TNIK: variants seen among roughly 807,000 people sequenced by gnomAD.
TNIK encodes TRAF2 and NCK interacting kinase.
Under a neutral mutation model 191.3 loss-of-function variants are expected in TNIK, and 49 were observed. The observed-to-expected ratio is 0.26, with a 90% CI of 0.20 to 0.32. TNIK has a LOEUF of 0.32. Among genes scored for constraint, TNIK ranks in the 10% least tolerant of loss-of-function variants. The pLI, the probability that TNIK is intolerant of heterozygous loss-of-function variation, is 1.00. For missense variants in TNIK, 1,155 were observed against 1,702.3 expected, an observed-to-expected ratio of 0.68 and a Z score of 5.66; for synonymous variants, 594 against 600.9, an observed-to-expected ratio of 0.99 and a Z score of 0.17.
chr3:171,325,943 T>A (rs1755701896), intron 2 of TNIK, among the ~76,000 whole-genome samples: 2 of 152,236 alleles, frequency 1.3e-5, no homozygotes, highest in Non-Finnish European at 2.9e-5. Context: ...TTGTGCCCAC[T>A]CTTCTCGAGC....
At chr3:171,200,645 A>G (rs1739290723) in intron 4 of TNIK, among the ~76,000 whole-genome samples, 1 of 152,226 alleles carries the variant, frequency 6.6e-6, no homozygotes. Context: ...ATACTGAGTC[A>G]GCGCTTGAGG....
intron 18 of TNIK, among the ~76,000 whole-genome samples, chr3:171,114,355 G>A: frequency 6.6e-6 from 1 of 152,178 alleles, no homozygotes; most frequent in East Asian, 1.9e-4. Context: ...GTATGTATCA[G>A]GCACTCTGTA....
chr3:171,097,805 C>A (rs1178176916), intron 22 of TNIK, among the ~76,000 whole-genome samples: 2 of 152,108 alleles, frequency 1.3e-5, no homozygotes, highest in Non-Finnish European at 2.9e-5. Flanking sequence ...ATGGCAGAAG[C>A]CAGGTTTCTG....
chr3:171,268,618 G>A (rs1008247541), intron 2 of TNIK, among the ~76,000 whole-genome samples: 5 of 151,920 alleles, frequency 3.3e-5, no homozygotes, highest in African/African-American at 1.2e-4. Context: ...CCAAACCTGA[G>A]CATGAATTAC....
chr3:171,290,070 G>A (rs1181023849), intron 2 of TNIK, among the ~76,000 whole-genome samples: 1 of 152,088 alleles, frequency 6.6e-6, no homozygotes, highest in Admixed American at 6.6e-5. Flanking sequence ...ATTTTAGTAG[G>A]GTAGGTAATG....
intron 2 of TNIK, among the ~76,000 whole-genome samples, chr3:171,362,664 A>G (rs1212570726): frequency 1.3e-5 from 2 of 152,172 alleles, no homozygotes; most frequent in African/African-American, 4.8e-5. Context: ...GCTTCCACAT[A>G]TTAATGTTTT....
chr3:171,130,702 ATAT>A (rs1729124184), intron 15 of TNIK, among the ~76,000 whole-genome samples: 1 of 152,206 alleles, frequency 6.6e-6, no homozygotes, highest in Non-Finnish European at 1.5e-5. Flanking sequence ...AATTGGTCAA[ATAT>A]TATCCATTTT....
At chr3:171,208,289 C>A (rs1428906751) in intron 4 of TNIK, among the ~76,000 whole-genome samples, 1 of 151,940 alleles carries the variant, frequency 6.6e-6, no homozygotes, top group East Asian at 1.9e-4. Context: ...CCACCGCACT[C>A]CAGCCTGGAG....
Position 171,085,198 on chromosome 3 carries a change from A to G in TNIK, c.2918T>C (p.Phe973Ser). Residue 973 changes from phenylalanine (F) to serine (S), a missense_variant, in exon 25 of 33, where the codon TTC (phenylalanine) becomes TCC (serine). Transcript: ENST00000436636. ...TACTCTGGGGTCCACAAAGGGGGTGAAGGAGGCTTTGGTGCTGCTCCCCAT... is the reference window on the plus strand; with the variant it reads ...TACTCTGGGGTCCACAAAGGGGGTGGAGGAGGCTTTGGTGCTGCTCCCCAT... ...YGMGSSTKAS[F>S]TPFVDPRVYQ... The G allele has an allele frequency of 3.1e-6, 5 of 1,611,536 alleles. No individual in the cohort carries two copies. Among genetic ancestry groups the G allele is most frequent in the Non-Finnish European group, 4.2e-6 (5 of 1,178,878 alleles).
intron 1 of TNIK, among the ~76,000 whole-genome samples, chr3:171,387,990 G>C (rs1169171876): frequency 6.6e-6 from 1 of 151,250 alleles, no homozygotes; most frequent in South Asian, 2.1e-4. Context: ...TGGGGGGAGG[G>C]GACGGGGGGG....
At chr3:171,151,722 ACT>A (rs1478006642) in intron 12 of TNIK, among the ~76,000 whole-genome samples, 4 of 152,078 alleles carry the variant, frequency 2.6e-5, no homozygotes, top group Non-Finnish European at 5.9e-5. Context: ...ATACAATTTC[ACT>A]CTCTACTGAA....
intron 12 of TNIK, among the ~76,000 whole-genome samples, chr3:171,147,347 C>T (rs983425687): frequency 2.0e-5 from 3 of 152,200 alleles, no homozygotes; most frequent in Non-Finnish European, 4.4e-5. Context: ...CATGCCCCCT[C>T]ACTTTAAATA....
At chr3:171,369,803 C>T in intron 1 of TNIK, 118 bp from the exon 2 acceptor site, 1 of 747,456 alleles carries the variant, frequency 1.3e-6, no homozygotes, top group Non-Finnish European at 2.1e-6. Context: ...TTCAGGGGCT[C>T]TCATGTGTTA....
chr3:171,146,058 T>C (rs1485229442), intron 12 of TNIK, among the ~76,000 whole-genome samples: 1 of 152,238 alleles, frequency 6.6e-6, no homozygotes, highest in African/African-American at 2.4e-5. Context: ...GTAACTGGTT[T>C]ACTCTTATCT....
chr3:171,387,652 A>T (rs1286381631), intron 1 of TNIK, among the ~76,000 whole-genome samples: 2 of 152,206 alleles, frequency 1.3e-5, no homozygotes, highest in African/African-American at 4.8e-5. Context: ...CAAATAATGA[A>T]TTAAGAATAA....
At chr3:171,142,389 G>A (rs1468997439) in intron 12 of TNIK, among the ~76,000 whole-genome samples, 1 of 152,202 alleles carries the variant, frequency 6.6e-6, no homozygotes, top group Non-Finnish European at 1.5e-5. Flanking sequence ...TGCTGAGGAT[G>A]GAGACACAGC....
intron 3 of TNIK, among the ~76,000 whole-genome samples, chr3:171,219,069 A>ATAAATATATATTTTATATAAATATATAAT (rs1741892493): frequency 1.1e-5 from 1 of 89,430 alleles, no homozygotes; most frequent in African/African-American, 5.5e-5. Context: ...TATATTAAAT[A>ATAAATATATATTTTATATAAATATATAAT]TATAAATATA....
At chr3:171,205,956 T>A (rs1447628270) in intron 4 of TNIK, among the ~76,000 whole-genome samples, 8 of 152,138 alleles carry the variant, frequency 5.3e-5, no homozygotes, top group Non-Finnish European at 1.0e-4. Flanking sequence ...TACCATCACA[T>A]TGAAAGTTAG....
In TNIK at chr3:171,272,177, A is replaced by C. The variant is rs185833094; in HGVS notation, c.124-43956T>G. On this transcript the variant is annotated intron_variant, in intron 2 of 32. Transcript: ENST00000436636. ...ATGCAAACACATGCATCACTTACAGACTGTCTTTGACTTTCCCCCATCCCA... is the reference window on the plus strand; with the variant it reads ...ATGCAAACACATGCATCACTTACAGCCTGTCTTTGACTTTCCCCCATCCCA... 1.9e-3 allele frequency among the ~76,000 whole-genome samples: 291 copies of C among 152,292 alleles called. 1 individual carries two copies. The highest frequency in any genetic ancestry group is 6.7e-3 in the African/African-American group (277 of 41,576).
Sources: gnomAD v4.1 joint callset for allele counts (sites outside exome capture counted in the v4.1 genomes callset) on GRCh38, gnomAD v4.1.1 for gene constraint, MANE v1.5 for transcripts, NCBI Gene and HGNC (gene_info 2026-07-23, HGNC 2026-07-21) for gene names.